Variants in NKAIN2 observed in about 807,000 individuals in gnomAD.
NKAIN2 encodes sodium/potassium-transporting ATPase subunit beta-1-interacting protein 2.
In NKAIN2, 14 loss-of-function variants were observed where a neutral mutation model predicts 32.6. That is an observed-to-expected ratio of 0.43 (90% confidence interval 0.28 to 0.67). NKAIN2 has a LOEUF of 0.67. Ranked by LOEUF, NKAIN2 falls within the 30% of genes least tolerant of loss-of-function variation. The pLI, the probability that NKAIN2 is intolerant of heterozygous loss-of-function variation, is 0.17. For synonymous variants in NKAIN2, 80 were observed against 87.2 expected (o/e 0.92, Z 0.46); for missense variants, 198 against 258.3 (o/e 0.77, Z 1.60).
intron 1 of NKAIN2, among the ~76,000 whole-genome samples, chr6:123,879,775 TC>T (rs1382898100): frequency 6.6e-6 from 1 of 152,206 alleles, no homozygotes; most frequent in African/African-American, 2.4e-5. Context: ...ACAGGATACT[TC>T]TTTCACATAG....
At chr6:124,029,396 TAA>T (rs77083509) in intron 1 of NKAIN2, among the ~76,000 whole-genome samples, 3 of 143,194 alleles carry the variant, frequency 2.1e-5, no homozygotes, top group Admixed American at 7.0e-5. Flanking sequence ...TCATTTTATT[TAA>T]AAAAAAAAAA....
intron 4 of NKAIN2, among the ~76,000 whole-genome samples, chr6:124,704,555 A>G (rs753746958): frequency 6.6e-6 from 1 of 151,950 alleles, no homozygotes; most frequent in Non-Finnish European, 1.5e-5. Flanking sequence ...ACATACCTAT[A>G]AGGAAAAACC....
chr6:124,111,201 GCT>G (rs1356251061), intron 1 of NKAIN2, among the ~76,000 whole-genome samples: 1 of 152,024 alleles, frequency 6.6e-6, no homozygotes, highest in African/African-American at 2.4e-5. Flanking sequence ...TTGGTAGAAT[GCT>G]CTTTAAATGT....
At chr6:123,955,498 A>G (rs1777531519) in intron 1 of NKAIN2, among the ~76,000 whole-genome samples, 1 of 152,094 alleles carries the variant, frequency 6.6e-6, no homozygotes, top group Non-Finnish European at 1.5e-5. Context: ...TTACTAAAAC[A>G]ATTAGGTACA....
chr6:123,976,404 T>TTC lies in NKAIN2; in HGVS notation c.54+172150_54+172151insTC, dbSNP rs371749804. ...ATATATATATATATATATATATATATATATATATATATGGAAAGAGAGAGA... is the reference window on the plus strand; with the variant it reads ...ATATATATATATATATATATATATATTCATATATATATATGGAAAGAGAGAGA... On this transcript the variant is annotated intron_variant, in intron 1 of 6. Transcript: ENST00000368417. Among the ~76,000 whole-genome samples, 6 of 54,234 alleles carry TTC rather than the reference T, an allele frequency of 1.1e-4. 1 individual carries two copies. Among genetic ancestry groups the TTC allele is most frequent in the Non-Finnish European group, 1.8e-4 (5 of 27,402 alleles). 35.6% of individuals were successfully genotyped at this position (54,234 alleles called of 152,430 possible).
At chr6:124,131,195 AG>A (rs1786459068) in intron 1 of NKAIN2, among the ~76,000 whole-genome samples, 3 of 152,094 alleles carry the variant, frequency 2.0e-5, no homozygotes, top group Non-Finnish European at 4.4e-5. Context: ...CCCAGGCTGG[AG>A]TGCAATGACA....
rs112913405 is a variant in NKAIN2, at chr6:124,591,184, C to T, written c.274-67002C>T. ...ATTGTTTTGAGCATTTGTGGTGCCA[C>T]GAATTGGAATGTACCATCACATGAT... On this transcript the variant is annotated intron_variant, in intron 3 of 6. Transcript: ENST00000368417. Among the ~76,000 whole-genome samples the T allele has an allele frequency of 5.5e-3, 830 of 152,264 alleles. 11 individuals are homozygous for T. Among genetic ancestry groups the T allele is most frequent in the African/African-American group, 0.019 (787 of 41,556 alleles).
At chr6:124,485,441 A>T (rs1369923025) in intron 3 of NKAIN2, among the ~76,000 whole-genome samples, 4 of 152,122 alleles carry the variant, frequency 2.6e-5, no homozygotes, top group Non-Finnish European at 5.9e-5. Flanking sequence ...TTCAAAAAAA[A>T]TTTACCATGA....
chr6:124,217,065 A>G (rs1340460501), intron 1 of NKAIN2, among the ~76,000 whole-genome samples: 2 of 152,194 alleles, frequency 1.3e-5, no homozygotes, highest in African/African-American at 4.8e-5. Context: ...CCACATAGCC[A>G]TACTGGGAAA....
intron 1 of NKAIN2, among the ~76,000 whole-genome samples, chr6:124,248,941 A>G (rs1793555235): frequency 6.6e-6 from 1 of 152,144 alleles, no homozygotes; most frequent in Admixed American, 6.6e-5. Context: ...CCATCAGAGC[A>G]TCCTATTCTA....
intron 4 of NKAIN2, among the ~76,000 whole-genome samples, chr6:124,741,120 C>A (rs1207704548): frequency 6.6e-6 from 1 of 151,636 alleles, no homozygotes; most frequent in Non-Finnish European, 1.5e-5. Context: ...ATTCTTCTCA[C>A]TGAGATGGGG....
At position 123,819,390 on chromosome 6, in the gene NKAIN2, G is replaced by A. The variant is rs554685757; in HGVS notation, c.54+15136G>A. Reference sequence around the variant, plus strand: ...CACACATTAGTGCATGCTACTTTCTGTCTAGCCTAATTAAAGGATTGTTGA... The same window carrying A: ...CACACATTAGTGCATGCTACTTTCTATCTAGCCTAATTAAAGGATTGTTGA... On this transcript the variant is annotated intron_variant, in intron 1 of 6. Coordinates refer to ENST00000368417, the MANE Select transcript of NKAIN2 (RefSeq NM_001040214.3). 1.1e-4 allele frequency among the ~76,000 whole-genome samples: 17 copies of A among 152,286 alleles called. No homozygotes were observed. In the South Asian group the frequency reaches 3.3e-3, roughly 30 times the overall value.
intron 1 of NKAIN2, among the ~76,000 whole-genome samples, chr6:123,883,293 C>T (rs1021460502): frequency 6.6e-6 from 1 of 151,854 alleles, no homozygotes; most frequent in African/African-American, 2.4e-5. Context: ...TATAGGCACC[C>T]GCCACCACCC....
chr6:124,476,090 GT>G, intron 3 of NKAIN2, among the ~76,000 whole-genome samples: 2 of 151,046 alleles, frequency 1.3e-5, no homozygotes, highest in African/African-American at 4.9e-5. Context: ...GTGTGTGTGT[GT>G]GTGTGTGCGT....
chr6:123,958,769 T>A (rs986772236), intron 1 of NKAIN2, among the ~76,000 whole-genome samples: 15 of 152,242 alleles, frequency 9.9e-5, no homozygotes, highest in Non-Finnish European at 1.6e-4. Flanking sequence ...CTAGGCTGAA[T>A]CGCTACGTCA....
At chr6:124,114,875 A>G (rs1343937818) in intron 1 of NKAIN2, among the ~76,000 whole-genome samples, 1 of 152,150 alleles carries the variant, frequency 6.6e-6, no homozygotes, top group African/African-American at 2.4e-5. Context: ...TCTAGTTATT[A>G]GTAATGTAAA....
rs552577751 is a variant in NKAIN2, at chr6:124,726,073, G to A, written c.475-65266G>A. Among the ~76,000 whole-genome samples, 74 of 152,258 alleles carry A rather than the reference G, an allele frequency of 4.9e-4. No individual in the cohort carries two copies. In the South Asian group the frequency reaches 0.011, roughly 23 times the overall value. On this transcript the variant is annotated intron_variant, in intron 4 of 6. Transcript: ENST00000368417. ...GAGGGTCCTACGCCCACGGAGTCTC[G>A]CTGATTGCTAGCACAGCAGTCTGAG...
rs559501464 is a variant in NKAIN2, at chr6:124,798,844, T to C, written c.535+7445T>C. Among the ~76,000 whole-genome samples, 8 of 152,268 alleles carry C rather than the reference T, an allele frequency of 5.3e-5. No individual in the cohort carries two copies. The South Asian group carries it at 1.7e-3, about 32-fold the overall frequency. On this transcript the variant is annotated intron_variant, in intron 5 of 6. Transcript: ENST00000368417. ...ACAGTACACACTGATTCACTCAGGA[T>C]GGAAGAATAGTAGGAGACACCATCA...
In NKAIN2 at chr6:124,824,620, T is replaced by A. The variant is rs761328468; in HGVS notation, c.*1391T>A. 21 of 152,214 alleles carry A rather than the reference T, an allele frequency of 1.4e-4. No homozygotes were observed. The highest frequency in any genetic ancestry group is 2.8e-4 in the Non-Finnish European group (19 of 68,028). The allele number at this position is 152,214 out of a possible 1,614,324, so 9.4% of individuals were successfully genotyped here. A position where few individuals can be genotyped will look rare whatever the true frequency, so the allele number is the denominator to read the frequency against. On this transcript the variant is annotated 3_prime_UTR_variant, in exon 7 of 7. Transcript: ENST00000368417. ...GGTTTTCATTAGTGGAAAACATAAT[T>A]AGCTCAGGCTTATCAGGAACTCAGA... is the stretch of plus-strand genomic sequence containing the variant.
Sources: gnomAD v4.1 joint callset for allele counts (sites outside exome capture counted in the v4.1 genomes callset) on GRCh38, gnomAD v4.1.1 for gene constraint, MANE v1.5 for transcripts, NCBI Gene and HGNC (gene_info 2026-07-23, HGNC 2026-07-21) for gene names.